KAZN: variants seen among roughly 807,000 people sequenced by gnomAD.
KAZN encodes kazrin, periplakin interacting protein, also known as kazrin.
A neutral mutation model predicts 87.4 loss-of-function variants in KAZN; 40 were observed. That is an observed-to-expected ratio of 0.46 (90% CI 0.36 to 0.60). The LOEUF is 0.60. Among genes scored for constraint, KAZN ranks in the 20% least tolerant of loss-of-function variants. The pLI, the probability that KAZN is intolerant of heterozygous loss-of-function variation, is 0.00. For missense variants in KAZN, 898 were observed against 1,073.9 expected (o/e 0.84, Z 2.29); for synonymous variants, 466 against 458.3 (o/e 1.02, Z -0.22).
intron 2 of KAZN, among the ~76,000 whole-genome samples, chr1:14,317,920 T>C (rs1578130): frequency 3.9e-4 from 59 of 152,174 alleles, no homozygotes; most frequent in African/African-American, 1.3e-3. Flanking sequence ...TGGTTTACAT[T>C]ATTTATCTCT....
At chr1:14,671,426 G>A (rs79271767) in intron 1 of KAZN, among the ~76,000 whole-genome samples, 3,605 of 152,288 alleles carry the variant, frequency 0.024, 59 homozygotes, top group Middle Eastern at 0.065. Context: ...GCTGGGTCAC[G>A]TACTGGGGGA....
chr1:14,023,806 GCA>G (rs1320875624), intron 1 of KAZN, among the ~76,000 whole-genome samples: 2 of 152,134 alleles, frequency 1.3e-5, no homozygotes, highest in East Asian at 1.9e-4. Flanking sequence ...CTGCTGATCT[GCA>G]CACACAGCGG....
upstream of KAZN, among the ~76,000 whole-genome samples, chr1:14,596,682 T>C (rs1572011130): frequency 6.6e-6 from 1 of 152,258 alleles, no homozygotes; most frequent in Non-Finnish European, 1.5e-5. Context: ...GGATATTTCA[T>C]ATAAATTGAA....
At chr1:14,441,648 T>C (rs554155858) in intron 2 of KAZN, among the ~76,000 whole-genome samples, 1 of 152,338 alleles carries the variant, frequency 6.6e-6, no homozygotes, top group African/African-American at 2.4e-5. Flanking sequence ...TCTCAGAGGA[T>C]TAAAATTTTT....
chr1:13,964,861 G>A (rs982053245), intron 1 of KAZN, among the ~76,000 whole-genome samples: 3 of 152,172 alleles, frequency 2.0e-5, no homozygotes, highest in Non-Finnish European at 4.4e-5. Context: ...GGTGCAGGTC[G>A]CAGCATTAAA....
intron 2 of KAZN, among the ~76,000 whole-genome samples, chr1:14,579,097 G>A (rs1217661286): frequency 6.6e-6 from 1 of 152,108 alleles, no homozygotes; most frequent in Admixed American, 6.5e-5. Flanking sequence ...TAGCACTCCA[G>A]CTTTACCGTC....
chr1:15,018,261 G>A (rs993992149), intron 2 of KAZN, among the ~76,000 whole-genome samples: 1 of 152,112 alleles, frequency 6.6e-6, no homozygotes, highest in African/African-American at 2.4e-5. Flanking sequence ...ACATTTAAAT[G>A]TATAATCATT....
intron 1 of KAZN, among the ~76,000 whole-genome samples, chr1:13,959,640 A>G (rs1462699657): frequency 6.6e-6 from 1 of 152,054 alleles, no homozygotes; most frequent in Non-Finnish European, 1.5e-5. Context: ...TTCTCACCAC[A>G]TGAGCGCCTA....
chr1:14,411,647 T>C lies in KAZN; in HGVS notation c.250-187336T>C, dbSNP rs1056253835. On this transcript the variant is annotated intron_variant, in intron 2 of 16. Coordinates refer to the KAZN transcript ENST00000636203. ...ATAGAAGCTTGCTGAAAGAGCTGCT[T>C]CTAAAAGTTACATGCACTTCAGAAA... 3.9e-5 allele frequency among the ~76,000 whole-genome samples: 6 copies of C among 152,166 alleles called. No homozygotes were observed. In the East Asian group the frequency reaches 1.2e-3, roughly 29 times the overall value.
At chr1:14,770,144 T>G (rs1644983920) in intron 1 of KAZN, among the ~76,000 whole-genome samples, 1 of 150,922 alleles carries the variant, frequency 6.6e-6, no homozygotes, top group African/African-American at 2.5e-5. Flanking sequence ...CACTCTGCAG[T>G]TGGCCATGGT....
At chr1:14,724,919 C>T (rs1211740927) in intron 1 of KAZN, among the ~76,000 whole-genome samples, 1 of 152,212 alleles carries the variant, frequency 6.6e-6, no homozygotes, top group Non-Finnish European at 1.5e-5. Flanking sequence ...CTGCGTGCAC[C>T]TCCCAGCATC....
Position 14,603,341 on chromosome 1 carries a change from C to T in KAZN, c.226+4118C>T, listed in dbSNP as rs564495090. On this transcript the variant is annotated intron_variant, in intron 1 of 14. Transcript: ENST00000376030. ...GTTACAGAGCTCAGCAAGTAGCCTG[C>T]GCCATGGTTTTCCAGCCAGATCAAG... is the stretch of plus-strand genomic sequence containing the variant. Among the ~76,000 whole-genome samples the T allele has an allele frequency of 4.5e-4, 68 of 152,184 alleles. 2 individuals carry two copies. The highest frequency in any genetic ancestry group is 1.2e-3 in the South Asian group (6 of 4,810).
intron 8 of KAZN, among the ~76,000 whole-genome samples, chr1:15,075,296 T>C (rs1639688776): frequency 6.6e-6 from 1 of 152,226 alleles, no homozygotes; most frequent in Admixed American, 6.5e-5. Context: ...AAAAAATCCC[T>C]GGGTCAGTAA....
Position 14,203,123 on chromosome 1 carries a change from TAAG to T in KAZN, c.249+22535_249+22537del, listed in dbSNP as rs758813112. Among the ~76,000 whole-genome samples the T allele has an allele frequency of 3.2e-4, 48 of 152,078 alleles. 1 individual carries two copies. Among genetic ancestry groups the T allele is most frequent in the South Asian group, 2.5e-3 (12 of 4,802 alleles). Reference sequence around the variant, plus strand: ...TTGCATTATACTAGATAATAAATAATAAGAAGCCTATCGTGACGTATTTTAAGT... The same window carrying T: ...TTGCATTATACTAGATAATAAATAATAAGCCTATCGTGACGTATTTTAAGT... On this transcript the variant is annotated intron_variant, in intron 2 of 16. Transcript: ENST00000636203.
chr1:13,965,575 C>T (rs12118036), intron 1 of KAZN, among the ~76,000 whole-genome samples: 35,034 of 151,938 alleles, frequency 0.23, 4,334 homozygotes, highest in East Asian at 0.38. Context: ...AGTATTTATT[C>T]GCATTGCTAT....
At chr1:14,493,213 G>A (rs1201327978) in intron 2 of KAZN, among the ~76,000 whole-genome samples, 2 of 152,110 alleles carry the variant, frequency 1.3e-5, no homozygotes, top group Non-Finnish European at 2.9e-5. Context: ...ACTCATCTGT[G>A]TCTTTGCCTA....
chr1:14,436,436 G>A (rs1666387645), intron 2 of KAZN, among the ~76,000 whole-genome samples: 1 of 152,022 alleles, frequency 6.6e-6, no homozygotes, highest in African/African-American at 2.4e-5. Flanking sequence ...GCACTGATAT[G>A]CATTTTCTTG....
Position 14,306,394 on chromosome 1 carries a change from A to G in KAZN, c.249+125802A>G, listed in dbSNP as rs114814355. Among the ~76,000 whole-genome samples the G allele has an allele frequency of 4.2e-3, 642 of 152,252 alleles. 2 individuals are homozygous for G. Among genetic ancestry groups the G allele is most frequent in the African/African-American group, 0.014 (590 of 41,538 alleles). On this transcript the variant is annotated intron_variant, in intron 2 of 16. Transcript: ENST00000636203. ...TTGTGATCCTTACCACTCAGGGCCA[A>G]TGTGACAGACTCACAGCCTCTCCAA...
At chr1:15,109,956 T>C (rs1641455795) in intron 13 of KAZN, among the ~76,000 whole-genome samples, 2 of 148,522 alleles carry the variant, frequency 1.3e-5, no homozygotes, top group South Asian at 2.1e-4. Flanking sequence ...TGTATGTGTT[T>C]GTATATGTGT....
Sources: gnomAD v4.1 joint callset for allele counts (sites outside exome capture counted in the v4.1 genomes callset) on GRCh38, gnomAD v4.1.1 for gene constraint, MANE v1.5 for transcripts, NCBI Gene and HGNC (gene_info 2026-07-23, HGNC 2026-07-21) for gene names.